Variants in ALG12 observed in about 807,000 individuals in gnomAD.
ALG12 encodes dol-P-Man:Man(7)GlcNAc(2)-PP-Dol alpha-1,6-mannosyltransferase.
A neutral mutation model predicts 46.0 loss-of-function variants in ALG12; 36 were observed. That is an observed-to-expected ratio of 0.78 (90% CI 0.60 to 1.03). The LOEUF (loss-of-function observed/expected upper bound fraction) is 1.03, where lower values mean the gene tolerates loss of function less well. Ranked by LOEUF, ALG12 falls within the 50% of genes least tolerant of loss-of-function variation. The pLI, the probability that ALG12 is intolerant of heterozygous loss-of-function variation, is 0.00. For missense variants in ALG12, 599 were observed against 633.5 expected (o/e 0.95, Z 0.58); for synonymous variants, 326 against 291.6 (o/e 1.12, Z -1.20).
the ALG12 span, among the ~76,000 whole-genome samples, chr22:49,876,752 G>A: frequency 1.1e-4 from 16 of 152,068 alleles, 2 homozygotes; most frequent in Admixed American, 2.0e-4. Flanking sequence ...TGCATTGCTC[G>A]AGTATATCGA....
At chr22:49,869,922 C>T in the ALG12 span, among the ~76,000 whole-genome samples, 2 of 152,198 alleles carry the variant, frequency 1.3e-5, no homozygotes, top group Non-Finnish European at 2.9e-5. Flanking sequence ...AGATCGTGAG[C>T]ATGGTACTCA....
Position 49,901,858 on chromosome 22 carries a change from TGTGTG to T in ALG12, c.*1975_*1979del, listed in dbSNP as rs1444384350. 8.4e-5 allele frequency: 6 copies of T among 71,634 alleles called. No homozygotes were observed. In the African/African-American group the frequency reaches 1.3e-3, roughly 15 times the overall value. The allele number at this position is 71,634 out of a possible 1,614,324, so 4.4% of individuals were successfully genotyped here. ...GCATGGTGTGTGCACGTGTGCACTG[TGTGTG>T]GTGTGTATTCATGGTGTGTGCACGT... On this transcript the variant is annotated 3_prime_UTR_variant, in exon 10 of 10. Transcript: ENST00000330817.
At chr22:49,887,763 A>T in the ALG12 span, 1 of 167,232 alleles carries the variant, frequency 6.0e-6, no homozygotes, top group South Asian at 2.1e-4. Context: ...TTGGAAACGA[A>T]ACTTAGATGT....
chr22:49,865,419 C>A, the ALG12 span, among the ~76,000 whole-genome samples: 1 of 151,732 alleles, frequency 6.6e-6, no homozygotes, highest in Non-Finnish European at 1.5e-5. Flanking sequence ...GGGGCTAAGG[C>A]GGGCGGAACT....
the ALG12 span, among the ~76,000 whole-genome samples, chr22:49,893,243 G>A: frequency 5.3e-5 from 8 of 152,138 alleles, no homozygotes; most frequent in Admixed American, 6.5e-5. Flanking sequence ...GGGGTGGAGC[G>A]CCATTTGGAT....
At chr22:49,862,573 G>A in the ALG12 span, among the ~76,000 whole-genome samples, 3 of 152,064 alleles carry the variant, frequency 2.0e-5, no homozygotes. Context: ...GAGCCCCTGT[G>A]CGTGCCGCCC....
the ALG12 span, chr22:49,884,277 C>T: frequency 3.1e-6 from 5 of 1,611,690 alleles, no homozygotes; most frequent in Admixed American, 1.7e-5. Context: ...TCCTCTCACC[C>T]ATCAAACTTG....
chr22:49,909,880 A>G lies in ALG12; in HGVS notation c.664+14T>C, dbSNP rs755215267. On this transcript the variant is annotated intron_variant, in intron 5 of 9. Coordinates refer to ENST00000330817, the MANE Select transcript of ALG12 (RefSeq NM_024105.4). Reference sequence around the variant, plus strand: ...CAAAATCCAGTTAGAAGCATCCCACAGTGACTGACTTACCTAAACAGAGGA... The same window carrying G: ...CAAAATCCAGTTAGAAGCATCCCACGGTGACTGACTTACCTAAACAGAGGA... 8 of 1,613,990 alleles carry G rather than the reference A, an allele frequency of 5.0e-6. No individual in the cohort carries two copies. The highest frequency in any genetic ancestry group is 6.8e-6 in the Non-Finnish European group (8 of 1,180,010).
the ALG12 span, among the ~76,000 whole-genome samples, chr22:49,869,134 A>G: frequency 1.3e-5 from 2 of 151,784 alleles, no homozygotes; most frequent in Admixed American, 6.6e-5. Context: ...AAAAAAAAAA[A>G]AAAGAAAAAT....
downstream of ALG12, among the ~76,000 whole-genome samples, chr22:49,898,586 C>T (rs987276341): frequency 6.6e-6 from 1 of 151,842 alleles, no homozygotes; most frequent in Admixed American, 6.6e-5. Flanking sequence ...GACGGGGTTT[C>T]ACCATGTTGG....
chr22:49,899,724 T>C (rs1206471706), downstream of ALG12, among the ~76,000 whole-genome samples: 1 of 152,092 alleles, frequency 6.6e-6, no homozygotes, highest in Non-Finnish European at 1.5e-5. Context: ...ATGGCAGGGT[T>C]ATCTGAATTT....
At chr22:49,879,563 T>C in the ALG12 span, among the ~76,000 whole-genome samples, 166 of 148,732 alleles carry the variant, frequency 1.1e-3, 1 homozygote, top group Admixed American at 2.0e-3. Context: ...GGGCCTGTTT[T>C]TATTGGTTGG....
the ALG12 span, among the ~76,000 whole-genome samples, chr22:49,861,975 A>C: frequency 1.8e-3 from 277 of 152,294 alleles, 2 homozygotes; most frequent in Admixed American, 5.6e-3. Flanking sequence ...CCCTGTCAGC[A>C]CTGTGGGAGA....
the ALG12 span, among the ~76,000 whole-genome samples, chr22:49,863,403 C>T: frequency 1.3e-5 from 2 of 152,084 alleles, no homozygotes; most frequent in East Asian, 1.9e-4. Flanking sequence ...CCGAGGCAGG[C>T]GGATCACGAG....
At chr22:49,884,779 T>C in the ALG12 span, 3 of 1,606,936 alleles carry the variant, frequency 1.9e-6, no homozygotes, top group Non-Finnish European at 2.6e-6. Context: ...CAGCTCTGTG[T>C]CCTCGTCTCC....
At chr22:49,873,090 C>G in the ALG12 span, among the ~76,000 whole-genome samples, 1 of 152,228 alleles carries the variant, frequency 6.6e-6, no homozygotes. Context: ...CTTGGCCTCC[C>G]AAGGTGCTGG....
intron 5 of ALG12, 61 bp downstream of exon 5, chr22:49,909,833 A>T: frequency 6.2e-7 from 1 of 1,604,272 alleles, no homozygotes; most frequent in Non-Finnish European, 8.5e-7. Context: ...ATTTCTCTTG[A>T]CCTTTGTAAA....
the ALG12 span, chr22:49,884,789 C>T: frequency 1.5e-5 from 24 of 1,608,588 alleles, no homozygotes; most frequent in South Asian, 1.8e-4. Context: ...TCCTCGTCTC[C>T]AGTAAAGCCG....
chr22:49,909,242 A>G lies in ALG12; in HGVS notation c.768+2T>C. On this transcript the variant is annotated splice_donor_variant, in intron 6 of 9. Transcript: ENST00000330817. LOFTEE classifies it high-confidence loss of function. The stretch of plus-strand genomic sequence containing the variant: ...CCCTCCTGCACGGACACTGAAGGAT[A>G]CCCCCCAGTTGGAGCTTTTGTTCAG... The G allele has an allele frequency of 6.2e-7, 1 of 1,614,006 alleles. No homozygotes were observed. The highest frequency in any genetic ancestry group is 8.5e-7 in the Non-Finnish European group (1 of 1,179,966).
Sources: allele counts gnomAD v4.1 joint callset (sites outside exome capture counted in the v4.1 genomes callset), GRCh38; gene constraint gnomAD v4.1.1; transcripts MANE v1.5; gene names NCBI Gene and HGNC (gene_info 2026-07-23, HGNC 2026-07-21).